SFI1: variants seen among roughly 807,000 people sequenced by gnomAD.
SFI1 encodes SFI1 centrin binding protein.
SFI1 carries 195 observed loss-of-function variants against 207.5 expected under a neutral mutation model. The ratio of observed to expected loss-of-function variants is 0.94; its 90% CI spans 0.84 to 1.06. The LOEUF (loss-of-function observed/expected upper bound fraction) is 1.06, where lower values mean the gene tolerates loss of function less well. Ranked by LOEUF, SFI1 falls within the 50% of genes least tolerant of loss-of-function variation. SFI1 has a pLI of 0.00. For synonymous variants in SFI1, 630 were observed against 598.9 expected (o/e 1.05, Z -0.76); for missense variants, 1,634 against 1,588.0 (o/e 1.03, Z -0.49).
chr22:31,612,894 C>T (rs944282483), intron 24 of SFI1: 9 of 522,390 alleles, frequency 1.7e-5, no homozygotes, highest in African/African-American at 3.8e-5. Flanking sequence ...GACCTCAGGC[C>T]GCTGCCTCCA....
intron 14 of SFI1, among the ~76,000 whole-genome samples, chr22:31,585,356 C>A (rs1213662122): frequency 6.6e-6 from 1 of 152,198 alleles, no homozygotes; most frequent in Non-Finnish European, 1.5e-5. Context: ...TACAAGTTCT[C>A]TCTGAAAGTA....
At chr22:31,549,331 C>A in intron 5 of SFI1, among the ~76,000 whole-genome samples, 1 of 137,128 alleles carries the variant, frequency 7.3e-6, no homozygotes, top group Admixed American at 7.4e-5. Context: ...GATTGTCATT[C>A]CAAACATCAT....
rs763387708 is a variant in SFI1 at position 31,528,699 on chromosome 22, G to A, written c.102G>A (p.Lys34=). The change falls in exon 3 of 33, where the codon AAG becomes AAA. Residue 34 remains lysine, a synonymous_variant. Coordinates refer to ENST00000400288, the MANE Select transcript of SFI1 (RefSeq NM_001007467.3). ...CGTCCTCAAATTTAAGGTATTTTAA[G>A]GATGGTGCAGTTAAGAAACCTTATT... ...MEKKVDSRYF[K]DGAVKKPYSA... is the part of the protein sequence containing the mutation. 1.2e-6 allele frequency: 2 copies of A among 1,613,602 alleles called. No individual in the cohort carries two copies. The highest frequency in any genetic ancestry group is 2.2e-5 in the South Asian group (2 of 91,048).
At chr22:31,500,623 A>T (rs1021328285) in intron 1 of SFI1, among the ~76,000 whole-genome samples, 2 of 151,630 alleles carry the variant, frequency 1.3e-5, no homozygotes, top group African/African-American at 4.9e-5. Flanking sequence ...ACACCCAGCT[A>T]ATTTTGTGTT....
chr22:31,564,155 GTC>G (rs2062013456), intron 8 of SFI1, among the ~76,000 whole-genome samples: 1 of 151,022 alleles, frequency 6.6e-6, no homozygotes. Flanking sequence ...GTGAAACCCC[GTC>G]TCTACTAAAA....
chr22:31,530,489 CAAAAAA>C (rs3069094), intron 3 of SFI1: 54 of 113,966 alleles, frequency 4.7e-4, no homozygotes, highest in Middle Eastern at 3.4e-3. Flanking sequence ...AACTCTGTCT[CAAAAAA>C]AAAAAAAAAA....
At chr22:31,500,247 G>A (rs1236785140) in intron 1 of SFI1, among the ~76,000 whole-genome samples, 1 of 137,266 alleles carries the variant, frequency 7.3e-6, no homozygotes, top group Non-Finnish European at 1.5e-5. Flanking sequence ...CCCGGGAGCT[G>A]AGATCGCACC....
chr22:31,531,045 T>A lies in SFI1; in HGVS notation c.267-13T>A, dbSNP rs1272860503. ...ATTTTAAAATATGTATATGCTTTTT[T>A]TCCTTCTTTCAGATGCGTGGCCAGA... On this transcript the variant is annotated splice_polypyrimidine_tract_variant and intron_variant, in intron 3 of 32. Transcript: ENST00000400288. 6.2e-7 allele frequency: 1 copy of A among 1,606,270 alleles called. No homozygotes were observed. Among genetic ancestry groups the A allele is most frequent in the Non-Finnish European group, 8.5e-7 (1 of 1,177,454 alleles).
At chr22:31,593,266 C>T (rs1603270572) in intron 15 of SFI1, among the ~76,000 whole-genome samples, 2 of 147,344 alleles carry the variant, frequency 1.4e-5, no homozygotes, top group South Asian at 2.2e-4. Context: ...AGAGGGTCTC[C>T]TCACTTCTCA....
At chr22:31,523,905 TAAACCTAA>T (rs1349556782) in intron 2 of SFI1, among the ~76,000 whole-genome samples, 2 of 152,066 alleles carry the variant, frequency 1.3e-5, no homozygotes, top group African/African-American at 4.8e-5. Flanking sequence ...ATTTTTGTAT[TAAACCTAA>T]GTTGCAACAA....
intron 14 of SFI1, among the ~76,000 whole-genome samples, chr22:31,589,168 C>A: frequency 6.6e-6 from 1 of 150,810 alleles, no homozygotes; most frequent in Non-Finnish European, 1.5e-5. Context: ...AACACCTAAG[C>A]CAGGGGGAAG....
intron 18 of SFI1, 36 bp downstream of exon 18, chr22:31,603,855 CTT>C (rs2068522752): frequency 6.4e-7 from 1 of 1,563,914 alleles, no homozygotes; most frequent in African/African-American, 1.4e-5. Flanking sequence ...CCGTGTATGA[CTT>C]TTGGACAGGT....
At chr22:31,594,103 A>G (rs1217924789) in intron 15 of SFI1, among the ~76,000 whole-genome samples, 1 of 152,164 alleles carries the variant, frequency 6.6e-6, no homozygotes, top group African/African-American at 2.4e-5. Context: ...TGAGAGCTCC[A>G]TTAAAGCAGC....
intron 4 of SFI1, among the ~76,000 whole-genome samples, chr22:31,539,586 A>G (rs889684275): frequency 6.6e-6 from 1 of 152,046 alleles, no homozygotes; most frequent in African/African-American, 2.4e-5. Flanking sequence ...ATCTGCTTAC[A>G]CTGTGTTTCT....
intron 4 of SFI1, among the ~76,000 whole-genome samples, chr22:31,541,715 G>A (rs370682375): frequency 1.5e-5 from 2 of 133,378 alleles, no homozygotes; most frequent in Non-Finnish European, 3.1e-5. Context: ...CTGCACTCCA[G>A]CCTAGGTAAC....
Position 31,556,991 on chromosome 22 carries a change from G to A in SFI1, c.594G>A (p.Val198=), listed in dbSNP as rs777035118. 1.2e-6 allele frequency: 2 copies of A among 1,612,480 alleles called. No individual in the cohort carries two copies. Among genetic ancestry groups the A allele is most frequent in the African/African-American group, 1.3e-5 (1 of 75,008 alleles). ...CCTGGAAGTCCTGGTTGATCTACGT[G>A]GTTGTTCGTAGGACCAAACTTCAGA... is the stretch of plus-strand genomic sequence containing the variant. ...RQAWKSWLIY[V]VVRRTKLQMQ... is the part of the protein sequence containing the mutation. The change falls in exon 7 of 33, where the codon GTG becomes GTA. Residue 198 remains valine, a synonymous_variant. Coordinates refer to ENST00000400288, the MANE Select transcript of SFI1 (RefSeq NM_001007467.3).
intron 2 of SFI1, among the ~76,000 whole-genome samples, chr22:31,525,871 A>C (rs137921393): frequency 3.3e-5 from 5 of 152,102 alleles, no homozygotes; most frequent in African/African-American, 9.6e-5. Context: ...TTTGTGGTTT[A>C]TTTTGAAGTC....
At chr22:31,602,929 G>A (rs1190622226) in intron 17 of SFI1, 144 bp downstream of exon 17, 1 of 996,920 alleles carries the variant, frequency 1.0e-6, no homozygotes, top group African/African-American at 1.6e-5. Flanking sequence ...CAACCTAAAA[G>A]AGTCTTAAGT....
At chr22:31,589,730 A>G (rs548885755) in intron 15 of SFI1, among the ~76,000 whole-genome samples, 153 bp downstream of exon 15, 1 of 152,154 alleles carries the variant, frequency 6.6e-6, no homozygotes, top group African/African-American at 2.4e-5. Flanking sequence ...GATTTCATCT[A>G]GCAGGAAAAG....
Sources: allele counts gnomAD v4.1 joint callset (sites outside exome capture counted in the v4.1 genomes callset), GRCh38; gene constraint gnomAD v4.1.1; transcripts MANE v1.5; gene names NCBI Gene and HGNC (gene_info 2026-07-23, HGNC 2026-07-21).